CSMD1: variants seen among roughly 807,000 people sequenced by gnomAD.
CSMD1 encodes CUB and sushi domain-containing protein 1.
A neutral mutation model predicts 417.5 loss-of-function variants in CSMD1; 213 were observed. The ratio of observed to expected loss-of-function variants is 0.51; its 90% confidence interval spans 0.46 to 0.57. The LOEUF (loss-of-function observed/expected upper bound fraction) is 0.57. CSMD1 is among the 20% of genes least tolerant of loss of function. The pLI is 0.00. For synonymous variants in CSMD1, 2,862 were observed against 1,736.8 expected (o/e 1.65, Z -16.11); for missense variants, 6,923 against 4,529.7 (o/e 1.53, Z -15.17).
In CSMD1 at chr8:3,358,566, A is replaced by G. The variant is rs80295292; in HGVS notation, c.3304+586T>C. Among the ~76,000 whole-genome samples the G allele has an allele frequency of 2.6e-3, 394 of 152,158 alleles. 3 individuals carry two copies. The highest frequency in any genetic ancestry group is 9.1e-3 in the African/African-American group (377 of 41,434). On this transcript the variant is annotated intron_variant, in intron 21 of 69. Coordinates refer to ENST00000635120, the MANE Select transcript of CSMD1 (RefSeq NM_033225.6). Reference sequence around the variant, plus strand: ...TTCCTGCATGTGAGCCTAGTACTTCATGGCAAAGTACCGAAATAAAAATTC... The same window carrying G: ...TTCCTGCATGTGAGCCTAGTACTTCGTGGCAAAGTACCGAAATAAAAATTC...
intron 3 of CSMD1, among the ~76,000 whole-genome samples, chr8:4,388,331 C>CACAG (rs1316868690): frequency 1.3e-5 from 2 of 151,710 alleles, no homozygotes; most frequent in Non-Finnish European, 2.9e-5. Context: ...GACACACACA[C>CACAG]ACACACACAC....
chr8:3,579,341 A>T (rs1563170440), intron 9 of CSMD1, among the ~76,000 whole-genome samples: 1 of 151,842 alleles, frequency 6.6e-6, no homozygotes, highest in African/African-American at 2.4e-5. Flanking sequence ...CTTACTTAAT[A>T]AAAGTAATAA....
chr8:4,081,101 G>C (rs1203292398), intron 3 of CSMD1, among the ~76,000 whole-genome samples: 1 of 152,132 alleles, frequency 6.6e-6, no homozygotes, highest in Admixed American at 6.5e-5. Context: ...CAGAGAGATT[G>C]GACTGCTTCC....
chr8:3,168,970 G>C (rs748325338), intron 37 of CSMD1, among the ~76,000 whole-genome samples: 15 of 152,038 alleles, frequency 9.9e-5, no homozygotes, highest in Non-Finnish European at 1.8e-4. Flanking sequence ...CATTTTACTG[G>C]TGCAGAGAAA....
At chr8:3,360,489 T>C (rs1403857196) in intron 20 of CSMD1, among the ~76,000 whole-genome samples, 1 of 152,202 alleles carries the variant, frequency 6.6e-6, no homozygotes, top group African/African-American at 2.4e-5. Flanking sequence ...GTTTCCTCCT[T>C]CTTGCTGTTT....
chr8:4,572,028 T>A (rs1364572131), intron 2 of CSMD1, among the ~76,000 whole-genome samples: 1 of 151,932 alleles, frequency 6.6e-6, no homozygotes, highest in Non-Finnish European at 1.5e-5. Context: ...CGCACATGAG[T>A]CTCCTGAATA....
intron 2 of CSMD1, among the ~76,000 whole-genome samples, chr8:4,578,309 G>A (rs1188426083): frequency 1.4e-5 from 2 of 139,988 alleles, no homozygotes; most frequent in Non-Finnish European, 3.0e-5. Context: ...GGGATTACAG[G>A]CACCTGCCAC....
intron 50 of CSMD1, among the ~76,000 whole-genome samples, chr8:3,046,709 G>C (rs965533389): frequency 5.9e-5 from 9 of 152,244 alleles, no homozygotes; most frequent in Admixed American, 3.9e-4. Context: ...TTTCCAGGCA[G>C]CCTTCCCCGC....
At chr8:4,482,864 T>C (rs978480602) in intron 2 of CSMD1, among the ~76,000 whole-genome samples, 9 of 152,220 alleles carry the variant, frequency 5.9e-5, no homozygotes, top group Non-Finnish European at 1.0e-4. Flanking sequence ...TTTATGTTTT[T>C]TTAAGGAACT....
chr8:4,700,744 AT>A (rs752548372), intron 1 of CSMD1, among the ~76,000 whole-genome samples: 28 of 152,236 alleles, frequency 1.8e-4, no homozygotes, highest in Non-Finnish European at 2.9e-4. Context: ...ACATTTTATT[AT>A]ATGCAACTTA....
In CSMD1 at chr8:3,754,010, A is replaced by G. The variant is rs749739877; in HGVS notation, c.851T>C (p.Ile284Thr). 2.5e-6 allele frequency: 4 copies of G among 1,613,116 alleles called. No individual in the cohort carries two copies. Among genetic ancestry groups the G allele is most frequent in the East Asian group, 2.2e-5 (1 of 44,840 alleles). Reference protein sequence around the residue: ...LTGMNLPSPVISSKNWLRLHF... With the variant: ...LTGMNLPSPVTSSKNWLRLHF... ...GAGTCGTAGCCAATTCTTGCTACTGATAACTGGAGAGGGGAGGTTCATGCC... is the reference window on the plus strand; with the variant it reads ...GAGTCGTAGCCAATTCTTGCTACTGGTAACTGGAGAGGGGAGGTTCATGCC... The change falls in exon 6 of 70, where the codon ATC becomes ACC. Residue 284 changes from isoleucine (I) to threonine (T), a missense_variant. Transcript: ENST00000635120.
chr8:4,948,445 TA>T (rs1808514356), intron 1 of CSMD1, among the ~76,000 whole-genome samples: 1 of 152,016 alleles, frequency 6.6e-6, no homozygotes, highest in African/African-American at 2.4e-5. Context: ...TTGTTCTTTC[TA>T]TTTCTTTCTT....
chr8:4,886,383 A>G (rs1803741548), intron 1 of CSMD1, among the ~76,000 whole-genome samples: 1 of 151,926 alleles, frequency 6.6e-6, no homozygotes, highest in African/African-American at 2.4e-5. Context: ...ATACATTATT[A>G]TGATGCTGGA....
At chr8:4,918,939 T>A (rs773168191) in intron 1 of CSMD1, among the ~76,000 whole-genome samples, 4 of 152,216 alleles carry the variant, frequency 2.6e-5, no homozygotes, top group Non-Finnish European at 4.4e-5. Context: ...GGTGTATGTA[T>A]GTTTGGTTTA....
chr8:4,646,750 T>A (rs1037545453), intron 1 of CSMD1, among the ~76,000 whole-genome samples: 1 of 152,174 alleles, frequency 6.6e-6, no homozygotes, highest in African/African-American at 2.4e-5. Flanking sequence ...AAAGTCATAC[T>A]AAAACCCCTA....
At chr8:3,694,649 G>A (rs1012810715) in intron 7 of CSMD1, among the ~76,000 whole-genome samples, 3 of 151,996 alleles carry the variant, frequency 2.0e-5, no homozygotes, top group African/African-American at 7.3e-5. Context: ...TGGGTGGGTG[G>A]ACACAGCAGT....
chr8:4,029,152 C>T (rs1369703065), intron 4 of CSMD1, among the ~76,000 whole-genome samples: 4 of 152,014 alleles, frequency 2.6e-5, no homozygotes, highest in African/African-American at 7.2e-5. Context: ...GGCAACAGGG[C>T]TAGAAGGACA....
intron 3 of CSMD1, among the ~76,000 whole-genome samples, chr8:4,297,883 T>A (rs2128871415): frequency 6.6e-6 from 1 of 152,248 alleles, no homozygotes; most frequent in East Asian, 1.9e-4. Flanking sequence ...ACAAGAAAAT[T>A]TATCGAATGT....
chr8:4,415,171 G>A (rs998356683), intron 3 of CSMD1, among the ~76,000 whole-genome samples: 23 of 152,128 alleles, frequency 1.5e-4, no homozygotes, highest in Admixed American at 7.2e-4. Flanking sequence ...CTCAGCTCCA[G>A]GCTCTCTGAG....
Sources: allele counts gnomAD v4.1 joint callset (sites outside exome capture counted in the v4.1 genomes callset), GRCh38; gene constraint gnomAD v4.1.1; transcripts MANE v1.5; gene names NCBI Gene and HGNC (gene_info 2026-07-23, HGNC 2026-07-21).